NFIB: variants seen among roughly 807,000 people sequenced by gnomAD.
NFIB encodes the protein nuclear factor 1 B-type.
In NFIB, 11 loss-of-function variants were observed where a neutral mutation model predicts 61.5. The ratio of observed to expected loss-of-function variants is 0.18; its 90% CI spans 0.11 to 0.30. NFIB has a LOEUF of 0.30. Ranked by LOEUF, NFIB falls within the 10% of genes least tolerant of loss-of-function variation. The pLI, the probability that NFIB is intolerant of heterozygous loss-of-function variation, is 1.00. For synonymous variants in NFIB, 260 were observed against 216.5 expected (o/e 1.20, Z -1.76); for missense variants, 471 against 608.9 (o/e 0.77, Z 2.38).
At chr9:14,205,456 T>C (rs539635244) in intron 2 of NFIB, among the ~76,000 whole-genome samples, 1 of 151,960 alleles carries the variant, frequency 6.6e-6, no homozygotes, top group African/African-American at 2.4e-5. Flanking sequence ...ACAAGGTATA[T>C]ATTGTCTCTG....
chr9:14,234,661 C>T (rs1466523836), intron 2 of NFIB, among the ~76,000 whole-genome samples: 1 of 107,154 alleles, frequency 9.3e-6, no homozygotes, highest in Admixed American at 1.0e-4. Context: ...TGCACTTGGT[C>T]TACTCTTTTT....
chr9:14,321,562 T>C lies in NFIB; in HGVS notation c.109-14042A>G, dbSNP rs113670347. On this transcript the variant is annotated intron_variant, in intron 1 of 8. Coordinates refer to the NFIB transcript ENST00000380934. ...CAAGAGGAGAGAATGGCCTACAAGG[T>C]AGAACTAAAGTATCATTTGAACAGT... Among the ~76,000 whole-genome samples, 117 of 152,270 alleles carry C rather than the reference T, an allele frequency of 7.7e-4. 1 individual carries two copies. The East Asian group carries it at 0.018, about 24-fold the overall frequency.
chr9:14,457,533 A>G, the NFIB span, among the ~76,000 whole-genome samples: 1 of 151,808 alleles, frequency 6.6e-6, no homozygotes. Context: ...TGAAGGAGAC[A>G]GAGACACAAA....
intron 1 of NFIB, among the ~76,000 whole-genome samples, chr9:14,370,746 T>C (rs144277001): frequency 2.6e-4 from 39 of 152,362 alleles, no homozygotes; most frequent in African/African-American, 9.1e-4. Flanking sequence ...ACCTTTGCCA[T>C]AGGGCTTTTT....
At chr9:14,112,849 A>C in intron 10 of NFIB, 150 bp downstream of exon 10, 1 of 642,706 alleles carries the variant, frequency 1.6e-6, no homozygotes, top group East Asian at 2.9e-5. Flanking sequence ...ACAAAGGATC[A>C]ATGAGAAAAA....
At chr9:14,407,884 A>G in the NFIB span, among the ~76,000 whole-genome samples, 2 of 152,084 alleles carry the variant, frequency 1.3e-5, no homozygotes, top group Admixed American at 1.3e-4. Context: ...CAGGGTTCTC[A>G]CTGTGTTGCC....
At chr9:14,102,427 C>A in intron 10 of NFIB, 1 of 1,549,656 alleles carries the variant, frequency 6.5e-7, no homozygotes, top group Non-Finnish European at 8.7e-7. Flanking sequence ...GTTACCTTTG[C>A]CAAGTAATTC....
At chr9:14,270,632 CTTAGA>C (rs989302461) in intron 2 of NFIB, among the ~76,000 whole-genome samples, 2 of 139,198 alleles carry the variant, frequency 1.4e-5, no homozygotes, top group African/African-American at 5.3e-5. Context: ...ACAACATCAG[CTTAGA>C]TTAAACCTTC....
chr9:14,106,132 T>C (rs1334361497), intron 10 of NFIB, among the ~76,000 whole-genome samples: 1 of 152,120 alleles, frequency 6.6e-6, no homozygotes, highest in Admixed American at 6.6e-5. Context: ...TTTCTCCCAA[T>C]AGTAATCAAA....
At chr9:14,311,311 G>C (rs1357465167) in intron 1 of NFIB, among the ~76,000 whole-genome samples, 2 of 152,038 alleles carry the variant, frequency 1.3e-5, no homozygotes, top group Admixed American at 6.5e-5. Context: ...CATGTCCTGA[G>C]ACATGTTTTT....
chr9:14,383,456 C>T lies in NFIB; in HGVS notation c.108+15068G>A, dbSNP rs926782544. 6.6e-5 allele frequency among the ~76,000 whole-genome samples: 10 copies of T among 152,166 alleles called. No individual in the cohort carries two copies. The East Asian group carries it at 7.7e-4, about 12-fold the overall frequency. On this transcript the variant is annotated intron_variant, in intron 1 of 8. Coordinates refer to the NFIB transcript ENST00000380934. ...AGGAGGAGAGAAAAGAGTGTCAAGG[C>T]GGTGCTAAGAATCTGGGAAACCTGC...
chr9:14,398,662 T>C (rs143084068), exon 1 of NFIB: 281 of 1,447,286 alleles, frequency 1.9e-4, no homozygotes, highest in Middle Eastern at 1.2e-3. Flanking sequence ...AAGAAGCCTG[T>C]AGGCTCTGCT....
intron 1 of NFIB, among the ~76,000 whole-genome samples, chr9:14,396,443 A>G (rs1388014113): frequency 2.0e-5 from 3 of 152,184 alleles, no homozygotes; most frequent in Admixed American, 2.0e-4. Flanking sequence ...CCATTGAGTC[A>G]GCCGTCCTCT....
At chr9:14,507,354 A>G in the NFIB span, among the ~76,000 whole-genome samples, 5 of 152,224 alleles carry the variant, frequency 3.3e-5, no homozygotes, top group African/African-American at 1.2e-4. Flanking sequence ...TCTATATTAT[A>G]TCTGTTTCTT....
intron 6 of NFIB, among the ~76,000 whole-genome samples, chr9:14,127,843 T>G (rs2039872914): frequency 2.0e-5 from 3 of 151,530 alleles, no homozygotes; most frequent in African/African-American, 4.8e-5. Context: ...GGCGGATTTG[T>G]AGCTGTAAGC....
intron 9 of NFIB, among the ~76,000 whole-genome samples, chr9:14,113,841 G>T (rs899362409): frequency 1.4e-4 from 21 of 152,024 alleles, no homozygotes; most frequent in African/African-American, 4.6e-4. Flanking sequence ...AGTCTCATTT[G>T]CAAGTACTTT....
intron 2 of NFIB, among the ~76,000 whole-genome samples, chr9:14,191,215 C>G (rs1261693471): frequency 6.6e-6 from 1 of 151,930 alleles, no homozygotes; most frequent in Admixed American, 6.6e-5. Flanking sequence ...ATAGTCCCAA[C>G]TACTCGAGAG....
chr9:14,123,266 G>A (rs1750087589), intron 7 of NFIB, among the ~76,000 whole-genome samples: 1 of 148,402 alleles, frequency 6.7e-6, no homozygotes. Context: ...AAAAAGAAAA[G>A]AAAAAGAAAA....
chr9:14,483,458 C>T, the NFIB span, among the ~76,000 whole-genome samples: 8 of 152,278 alleles, frequency 5.3e-5, no homozygotes, highest in South Asian at 4.1e-4. Context: ...CATTTCAGGA[C>T]GCTTCCCTAA....
Sources: allele counts gnomAD v4.1 joint callset (sites outside exome capture counted in the v4.1 genomes callset), GRCh38; gene constraint gnomAD v4.1.1; transcripts MANE v1.5; gene names NCBI Gene and HGNC (gene_info 2026-07-23, HGNC 2026-07-21).